DOK6: variants seen among roughly 807,000 people sequenced by gnomAD.
The protein encoded by DOK6 is downstream of tyrosine kinase 6.
In DOK6, 22 loss-of-function variants were observed where a neutral mutation model predicts 44.0. The ratio of observed to expected loss-of-function variants is 0.50; its 90% confidence interval spans 0.36 to 0.71. The LOEUF is 0.71. Ranked by LOEUF, DOK6 falls within the 30% of genes least tolerant of loss-of-function variation. The pLI is 0.00. For synonymous variants in DOK6, 166 were observed against 145.5 expected (o/e 1.14, Z -1.01); for missense variants, 340 against 416.4 (o/e 0.82, Z 1.60).
At chr18:69,570,021 C>G (rs533104536) in intron 2 of DOK6, among the ~76,000 whole-genome samples, 27 of 151,670 alleles carry the variant, frequency 1.8e-4, no homozygotes, top group Non-Finnish European at 3.4e-4. Context: ...AGAGGAACAA[C>G]AAACACTGGG....
chr18:69,476,709 A>G (rs781451658), intron 1 of DOK6, among the ~76,000 whole-genome samples: 7 of 152,240 alleles, frequency 4.6e-5, no homozygotes, highest in Non-Finnish European at 7.3e-5. Context: ...GAGAAGAGGT[A>G]GCAGGAAGCA....
chr18:69,494,079 TATC>T (rs1179166893), intron 1 of DOK6, among the ~76,000 whole-genome samples: 1 of 152,240 alleles, frequency 6.6e-6, no homozygotes, highest in Non-Finnish European at 1.5e-5. Context: ...TGTCTTCTAA[TATC>T]AACAAATTTG....
intron 7 of DOK6, among the ~76,000 whole-genome samples, chr18:69,759,356 T>G (rs1979465857): frequency 6.6e-6 from 1 of 152,170 alleles, no homozygotes; most frequent in Non-Finnish European, 1.5e-5. Flanking sequence ...GATTTTTATT[T>G]AAACATATGT....
rs751060711 is a variant in DOK6 at position 69,841,657 on chromosome 18, G to T, written c.*274G>T. 2 of 367,638 alleles carry T rather than the reference G, an allele frequency of 5.4e-6. No homozygotes were observed. Among genetic ancestry groups the T allele is most frequent in the Non-Finnish European group, 4.9e-6 (1 of 203,458 alleles). The allele number at this position is 367,638 out of a possible 1,614,324, so 22.8% of individuals were successfully genotyped here. ...TATTTAAATAAACAAAATTCTTTGG[G>T]TCTGACAGTAACAGAAACCTCAGCA... On this transcript the variant is annotated 3_prime_UTR_variant, in exon 8 of 8. Coordinates refer to ENST00000382713, the MANE Select transcript of DOK6 (RefSeq NM_152721.6).
intron 3 of DOK6, among the ~76,000 whole-genome samples, chr18:69,620,678 A>G (rs1162381545): frequency 6.6e-6 from 1 of 152,196 alleles, no homozygotes; most frequent in African/African-American, 2.4e-5. Context: ...TTGATAAACA[A>G]TAGTTAATAA....
intron 7 of DOK6, among the ~76,000 whole-genome samples, chr18:69,788,692 TC>T (rs1980505643): frequency 6.6e-6 from 1 of 152,180 alleles, no homozygotes; most frequent in Non-Finnish European, 1.5e-5. Flanking sequence ...TAAATTGTAA[TC>T]ATAATGCCTC....
rs1333672425 is a variant in DOK6, at chr18:69,841,949, C to CGT, written c.*578_*579dup. Reference sequence around the variant, plus strand: ...TTAAGCAGGGCCCTGTAGCTCTACTCGTGTGTGTGTGTGCGTGTGTGTGTG... The same window carrying CGT: ...TTAAGCAGGGCCCTGTAGCTCTACTCGTGTGTGTGTGTGTGCGTGTGTGTGTG... On this transcript the variant is annotated 3_prime_UTR_variant, in exon 8 of 8. Transcript: ENST00000382713. The CGT allele has an allele frequency of 2.3e-3, 258 of 114,376 alleles. No individual in the cohort carries two copies. Among genetic ancestry groups the CGT allele is most frequent in the African/African-American group, 6.2e-3 (202 of 32,808 alleles). The allele number at this position is 114,376 out of a possible 1,614,324, so 7.1% of individuals were successfully genotyped here.
rs527999761 is a variant in DOK6, at chr18:69,626,198, A to G, written c.289+26700A>G. The stretch of plus-strand genomic sequence containing the variant: ...TCACTGCTAAAAATTGTTTAGTGAC[A>G]TTTTTCACAAATATAAAATCTGTCA... On this transcript the variant is annotated intron_variant, in intron 3 of 7. Coordinates refer to ENST00000382713, the MANE Select transcript of DOK6 (RefSeq NM_152721.6). Among the ~76,000 whole-genome samples, 6 of 152,300 alleles carry G rather than the reference A, an allele frequency of 3.9e-5. No individual in the cohort carries two copies. In the South Asian group the frequency reaches 1.2e-3, roughly 32 times the overall value.
intron 6 of DOK6, among the ~76,000 whole-genome samples, chr18:69,746,408 C>T (rs1287501621): frequency 1.3e-5 from 2 of 152,122 alleles, no homozygotes; most frequent in Middle Eastern, 3.2e-3. Flanking sequence ...CAGGCACATG[C>T]CGTCACGCCT....
At chr18:69,460,452 A>T (rs185402358) in intron 1 of DOK6, among the ~76,000 whole-genome samples, 33 of 152,346 alleles carry the variant, frequency 2.2e-4, no homozygotes, top group Admixed American at 1.7e-3. Flanking sequence ...TCAATGTTTT[A>T]TGCAGGTGTA....
intron 1 of DOK6, among the ~76,000 whole-genome samples, chr18:69,532,115 A>G: frequency 6.6e-6 from 1 of 152,196 alleles, no homozygotes; most frequent in East Asian, 1.9e-4. Context: ...TCCGACTTTG[A>G]CCTTGGACTT....
intron 7 of DOK6, among the ~76,000 whole-genome samples, chr18:69,818,284 G>T (rs1158960531): frequency 2.0e-5 from 3 of 152,186 alleles, no homozygotes; most frequent in African/African-American, 7.2e-5. Flanking sequence ...AGGAGGGAGT[G>T]ATGAGAGGAA....
chr18:69,467,252 T>C (rs17080945), intron 1 of DOK6, among the ~76,000 whole-genome samples: 10,850 of 152,178 alleles, frequency 0.071, 1,199 homozygotes, highest in African/African-American at 0.24. Context: ...ATTTGGCAAA[T>C]ACAGTACTTC....
chr18:69,784,055 C>G (rs934632800), intron 7 of DOK6, among the ~76,000 whole-genome samples: 2 of 152,070 alleles, frequency 1.3e-5, no homozygotes, highest in East Asian at 1.9e-4. Flanking sequence ...AGTGTGGCAG[C>G]ATGCACCTGT....
chr18:69,582,432 T>A (rs547093690), intron 2 of DOK6, among the ~76,000 whole-genome samples: 1 of 151,816 alleles, frequency 6.6e-6, no homozygotes, highest in South Asian at 2.1e-4. Flanking sequence ...CACCTAGGGT[T>A]GGTCTCAGGT....
intron 1 of DOK6, among the ~76,000 whole-genome samples, chr18:69,543,628 G>A (rs1298829169): frequency 6.6e-6 from 1 of 151,414 alleles, no homozygotes; most frequent in Non-Finnish European, 1.5e-5. Context: ...GTATGAGGGA[G>A]TATAATTTTG....
At chr18:69,837,154 G>C (rs1982077020) in intron 7 of DOK6, among the ~76,000 whole-genome samples, 1 of 152,066 alleles carries the variant, frequency 6.6e-6, no homozygotes, top group Non-Finnish European at 1.5e-5. Flanking sequence ...TTTTTGTGTT[G>C]CTATAACAGA....
rs1368982033 is a variant in DOK6 at position 69,845,583 on chromosome 18, A to G, written c.*4200A>G. Reference sequence around the variant, plus strand: ...GTGCAGTCTCCCATGGAGAGAATAGAGAGGCAGGATGGCAACTAGTCATGA... The same window carrying G: ...GTGCAGTCTCCCATGGAGAGAATAGGGAGGCAGGATGGCAACTAGTCATGA... On this transcript the variant is annotated 3_prime_UTR_variant, in exon 8 of 8. Coordinates refer to ENST00000382713, the MANE Select transcript of DOK6 (RefSeq NM_152721.6). The G allele has an allele frequency of 6.6e-6, 1 of 152,206 alleles. No individual in the cohort carries two copies. The highest frequency in any genetic ancestry group is 1.5e-5 in the Non-Finnish European group (1 of 68,030). 9.4% of individuals were successfully genotyped at this position (152,206 alleles called of 1,614,324 possible).
Position 69,826,843 on chromosome 18 carries a change from A to G in DOK6, c.857-14401A>G, listed in dbSNP as rs368369420. On this transcript the variant is annotated intron_variant, in intron 7 of 7. Transcript: ENST00000382713. ...TTCTCAGTAAGAATAAACTTTCTCAATTCCCTATCATACCCACCCCTTCTG... is the reference window on the plus strand; with the variant it reads ...TTCTCAGTAAGAATAAACTTTCTCAGTTCCCTATCATACCCACCCCTTCTG... Among the ~76,000 whole-genome samples the G allele has an allele frequency of 6.9e-4, 105 of 152,282 alleles. 1 individual carries two copies. In the South Asian group the frequency reaches 0.021, roughly 30 times the overall value.
Sources: allele counts gnomAD v4.1 joint callset (sites outside exome capture counted in the v4.1 genomes callset), GRCh38; gene constraint gnomAD v4.1.1; transcripts MANE v1.5; gene names NCBI Gene and HGNC (gene_info 2026-07-23, HGNC 2026-07-21).